Variants in PTPRR observed in about 807,000 individuals in gnomAD.
PTPRR encodes the protein protein tyrosine phosphatase receptor type R.
PTPRR carries 38 observed loss-of-function variants against 77.2 expected under a neutral mutation model. The ratio of observed to expected loss-of-function variants is 0.49; its 90% CI spans 0.38 to 0.65. PTPRR has a LOEUF of 0.65. Ranked by LOEUF, PTPRR falls within the 30% of genes least tolerant of loss-of-function variation. PTPRR has a pLI of 0.00. For missense variants in PTPRR, 744 were observed against 799.2 expected, an observed-to-expected ratio of 0.93 and a Z score of 0.83; for synonymous variants, 299 against 283.1, an observed-to-expected ratio of 1.06 and a Z score of -0.57.
chr12:70,735,152 T>A (rs1385172600), intron 6 of PTPRR, among the ~76,000 whole-genome samples: 9 of 152,228 alleles, frequency 5.9e-5, no homozygotes, highest in Non-Finnish European at 8.8e-5. Flanking sequence ...GGCTTGTGCA[T>A]GTTTCCAGTG....
intron 3 of PTPRR, among the ~76,000 whole-genome samples, chr12:70,762,833 G>A (rs941231460): frequency 6.6e-6 from 1 of 152,094 alleles, no homozygotes; most frequent in East Asian, 1.9e-4. Flanking sequence ...TAATCAACAT[G>A]CTTTGCTATG....
intron 13 of PTPRR, among the ~76,000 whole-genome samples, chr12:70,646,570 A>C (rs750017259): frequency 2.0e-5 from 3 of 152,170 alleles, no homozygotes; most frequent in Non-Finnish European, 4.4e-5. Flanking sequence ...CACTTGGAAG[A>C]TTCAGTCAGC....
intron 13 of PTPRR, among the ~76,000 whole-genome samples, chr12:70,646,437 G>A (rs1432381913): frequency 6.6e-6 from 1 of 152,130 alleles, no homozygotes; most frequent in Non-Finnish European, 1.5e-5. Context: ...TAATTCAATT[G>A]ATGAGTCTAA....
At chr12:70,861,576 C>T (rs910724075) in intron 2 of PTPRR, among the ~76,000 whole-genome samples, 1 of 152,122 alleles carries the variant, frequency 6.6e-6, no homozygotes, top group African/African-American at 2.4e-5. Context: ...CAATGGCATC[C>T]ATGCAAATTT....
intron 2 of PTPRR, among the ~76,000 whole-genome samples, chr12:70,881,458 T>C (rs2137104609): frequency 6.6e-6 from 1 of 152,262 alleles, no homozygotes. Flanking sequence ...CCCACAATTG[T>C]AGAAATTGTT....
At chr12:70,683,212 G>A (rs1458871040) in intron 10 of PTPRR, among the ~76,000 whole-genome samples, 1 of 152,130 alleles carries the variant, frequency 6.6e-6, no homozygotes, top group Non-Finnish European at 1.5e-5. Flanking sequence ...TACTGTCATG[G>A]TGAAGCTCTG....
At chr12:70,658,883 G>GGTTTTT (rs1295017452) in intron 12 of PTPRR, among the ~76,000 whole-genome samples, 8 of 36,926 alleles carry the variant, frequency 2.2e-4, no homozygotes, top group African/African-American at 7.7e-4. Flanking sequence ...TTTTGCTCTA[G>GGTTTTT]TTTTTTTTTT....
chr12:70,669,496 A>G (rs1314219955), intron 10 of PTPRR, among the ~76,000 whole-genome samples: 3 of 136,088 alleles, frequency 2.2e-5, no homozygotes, highest in East Asian at 4.4e-4. Flanking sequence ...GTGTGTATAT[A>G]TATACGAGCT....
chr12:70,747,219 C>T (rs919276862), intron 5 of PTPRR, among the ~76,000 whole-genome samples: 4 of 152,178 alleles, frequency 2.6e-5, no homozygotes, highest in Admixed American at 2.0e-4. Context: ...AAAAACAAAA[C>T]CTGCACTAGA....
At chr12:70,868,807 G>A (rs886920984) in intron 2 of PTPRR, among the ~76,000 whole-genome samples, 57 of 152,082 alleles carry the variant, frequency 3.7e-4, no homozygotes, top group African/African-American at 1.4e-3. Context: ...ACGATAGACT[G>A]GATTAAGAAA....
At chr12:70,786,594 A>C (rs554526245) in intron 2 of PTPRR, among the ~76,000 whole-genome samples, 7 of 152,282 alleles carry the variant, frequency 4.6e-5, no homozygotes, top group Admixed American at 2.0e-4. Flanking sequence ...CACAGAGACC[A>C]CACAAGCTCT....
intron 2 of PTPRR, among the ~76,000 whole-genome samples, chr12:70,878,235 C>A (rs547882588): frequency 7.0e-4 from 106 of 152,142 alleles, no homozygotes; most frequent in East Asian, 2.3e-3. Context: ...GCAACAAAAG[C>A]CAAAATTGAC....
At chr12:70,643,230 C>CT (rs1266825060) in intron 13 of PTPRR, among the ~76,000 whole-genome samples, 1 of 152,064 alleles carries the variant, frequency 6.6e-6, no homozygotes, top group Non-Finnish European at 1.5e-5. Context: ...GCCTCCCAGG[C>CT]TCAGGTGATT....
At chr12:70,821,956 G>C (rs928815286) in intron 2 of PTPRR, among the ~76,000 whole-genome samples, 1 of 152,156 alleles carries the variant, frequency 6.6e-6, no homozygotes, top group African/African-American at 2.4e-5. Flanking sequence ...GAGCCACCAC[G>C]CCCGGCCGAA....
At chr12:70,852,642 G>C (rs1834507615) in intron 2 of PTPRR, among the ~76,000 whole-genome samples, 1 of 152,174 alleles carries the variant, frequency 6.6e-6, no homozygotes, top group African/African-American at 2.4e-5. Context: ...TGAGAATTTA[G>C]AAGAGGCAGT....
At chr12:70,641,017 T>C (rs1046880415) in intron 13 of PTPRR, among the ~76,000 whole-genome samples, 2 of 152,212 alleles carry the variant, frequency 1.3e-5, no homozygotes, top group Admixed American at 1.3e-4. Context: ...AAGTATTCCT[T>C]GGTCAGAAGT....
chr12:70,886,906 C>T (rs578046083), intron 2 of PTPRR, among the ~76,000 whole-genome samples: 61 of 152,104 alleles, frequency 4.0e-4, no homozygotes, highest in Non-Finnish European at 7.9e-4. Flanking sequence ...CATTATAACT[C>T]GGGAAGAAAG....
intron 10 of PTPRR, among the ~76,000 whole-genome samples, 195 bp downstream of exon 10, chr12:70,683,932 T>C (rs975153082): frequency 1.3e-5 from 2 of 152,210 alleles, no homozygotes; most frequent in African/African-American, 4.8e-5. Context: ...GCCAAGTATA[T>C]TGACTTGTCT....
chr12:70,779,597 A>T (rs1891160347), intron 2 of PTPRR, among the ~76,000 whole-genome samples: 1 of 152,042 alleles, frequency 6.6e-6, no homozygotes, highest in Non-Finnish European at 1.5e-5. Flanking sequence ...GTATATTCTC[A>T]CTTTACAAAA....
Sources: gnomAD v4.1 joint callset for allele counts (sites outside exome capture counted in the v4.1 genomes callset) on GRCh38, gnomAD v4.1.1 for gene constraint, MANE v1.5 for transcripts, NCBI Gene and HGNC (gene_info 2026-07-23, HGNC 2026-07-21) for gene names.